The following GALNS variants were observed in gnomAD, a reference collection of about 807,000 sequenced individuals.
The protein encoded by GALNS is N-acetylgalactosamine-6-sulfatase.
Under a neutral mutation model 65.9 loss-of-function variants are expected in GALNS, and 65 were observed. That is an observed-to-expected ratio of 0.99 (90% confidence interval 0.81 to 1.21). GALNS has a LOEUF of 1.21. Among genes scored for constraint, GALNS ranks in the 50% most tolerant of loss-of-function variants. The pLI is 0.00. For missense variants in GALNS, 776 were observed against 700.7 expected (o/e 1.11, Z -1.21); for synonymous variants, 346 against 288.9 (o/e 1.20, Z -2.00).
intron 9 of GALNS, among the ~76,000 whole-genome samples, chr16:88,828,906 C>A (rs911260078): frequency 1.2e-4 from 19 of 152,142 alleles, no homozygotes; most frequent in African/African-American, 4.6e-4. Context: ...GGTGGGCACC[C>A]ACTGCAGTGG....
Position 88,856,781 on chromosome 16 carries a change from T to C in GALNS, c.97A>G (p.Ile33Val), listed in dbSNP as rs768296954. 26 of 1,541,112 alleles carry C rather than the reference T, an allele frequency of 1.7e-5. No individual in the cohort carries two copies. The highest frequency in any genetic ancestry group is 2.0e-5 in the Non-Finnish European group (23 of 1,153,890). ...ACGTCGTCCATGAGCAGGAGCAGGA[T>C]GTTGGGGGGCTGCGGGGCGCCCGAG... Reference protein sequence around the residue: ...GASGAPQPPNILLLLMDDMGW... With the variant: ...GASGAPQPPNVLLLLMDDMGW... Residue 33 changes from isoleucine to valine, a missense_variant, in exon 1 of 14, where the codon ATC (isoleucine) becomes GTC (valine). Physicochemically the swap from Ile to Val is conservative, Grantham distance 29. Coordinates refer to ENST00000268695, the MANE Select transcript of GALNS (RefSeq NM_000512.5).
Position 88,836,240 on chromosome 16 carries a change from C to T in GALNS, c.594G>A (p.Leu198=), listed in dbSNP as rs776819767. Residue 198 remains leucine (L), a synonymous_variant, in exon 6 of 14, where the codon CTG becomes CTA. Transcript: ENST00000268695. The stretch of plus-strand genomic sequence containing the variant: ...GGGTGAGGTTGGCTTCCCCCGTCTT[C>T]AGATTAATAGGAAATTCTTCATAAT... ...GRYYEEFPIN[L]KTGEANLTQI... is the part of the protein sequence containing the mutation. 3 of 1,613,348 alleles carry T rather than the reference C, an allele frequency of 1.9e-6. No homozygotes were observed. The highest frequency in any genetic ancestry group is 1.7e-5 in the Admixed American group (1 of 60,004).
intron 1 of GALNS, among the ~76,000 whole-genome samples, chr16:88,845,825 C>CT (rs1967217427): frequency 6.8e-6 from 1 of 147,398 alleles, no homozygotes; most frequent in Non-Finnish European, 1.5e-5. Flanking sequence ...GACTCCAACT[C>CT]TAAAAAAAAA....
chr16:88,820,975 G>A (rs1036372456), intron 12 of GALNS, among the ~76,000 whole-genome samples: 2 of 152,102 alleles, frequency 1.3e-5, no homozygotes, highest in East Asian at 1.9e-4. Flanking sequence ...TGACTTCTGC[G>A]GGCACAGGGG....
chr16:88,856,833 C>G lies in GALNS; in HGVS notation c.45G>C (p.Leu15=), dbSNP rs761858336. Residue 15 remains leucine, a synonymous_variant, in exon 1 of 14, where the codon CTG becomes CTC. Coordinates refer to ENST00000268695, the MANE Select transcript of GALNS (RefSeq NM_000512.5). Reference sequence around the variant, plus strand: ...CCCCCATCCCCGCGGCGCTGAGCACCAGCAACAGCTGCCACCACCTCGTCG... The same window carrying G: ...CCCCCATCCCCGCGGCGCTGAGCACGAGCAACAGCTGCCACCACCTCGTCG... ...VAATRWWQLL[L]VLSAAGMGAS... The G allele has an allele frequency of 2.6e-6, 4 of 1,523,350 alleles. No homozygotes were observed. Among genetic ancestry groups the G allele is most frequent in the Non-Finnish European group, 3.5e-6 (4 of 1,144,854 alleles). The allele number at this position is 1,523,350 out of a possible 1,614,324, so 94.4% of individuals were successfully genotyped here. A position where few individuals can be genotyped will look rare whatever the true frequency, so the allele number is the denominator to read the frequency against.
At chr16:88,826,679 G>C in intron 10 of GALNS, 23 bp downstream of exon 10, 1 of 1,607,550 alleles carries the variant, frequency 6.2e-7, no homozygotes, top group Non-Finnish European at 8.5e-7. Context: ...GGGGGAAGGG[G>C]CCGGGGCAGG....
At chr16:88,825,056 GGGGCTGGAGCTCCTGGGTGGCCA>G (rs796942675) in intron 10 of GALNS, among the ~76,000 whole-genome samples, 187 bp from the exon 11 acceptor site, 5 of 145,196 alleles carry the variant, frequency 3.4e-5, no homozygotes, top group East Asian at 2.0e-4. Context: ...CTGGGCGGCC[GGGGCTGGAGCTCCTGGGTGGCCA>G]GGGCTGGGGT....
intron 1 of GALNS, among the ~76,000 whole-genome samples, chr16:88,851,688 C>T (rs71395333): frequency 0.085 from 13,015 of 152,256 alleles, 622 homozygotes; most frequent in South Asian, 0.11. Context: ...TCTTAGCTAA[C>T]GACACACCAG....
At chr16:88,823,362 T>G (rs1032130307) in intron 11 of GALNS, among the ~76,000 whole-genome samples, 1 of 152,242 alleles carries the variant, frequency 6.6e-6, no homozygotes, top group African/African-American at 2.4e-5. Context: ...ACCACAATTC[T>G]CTTTCTGCTG....
chr16:88,843,639 C>G, intron 1 of GALNS: 2 of 177,278 alleles, frequency 1.1e-5, no homozygotes, highest in African/African-American at 2.3e-5. Flanking sequence ...AGTGACGCAG[C>G]CACCAGCCAG....
chr16:88,853,707 G>C (rs911716046), intron 1 of GALNS, among the ~76,000 whole-genome samples: 1 of 152,214 alleles, frequency 6.6e-6, no homozygotes, highest in Non-Finnish European at 1.5e-5. Context: ...AGTGGGCCAC[G>C]CAGGTTTCCT....
At chr16:88,842,266 C>A in intron 2 of GALNS, 1 of 554,464 alleles carries the variant, frequency 1.8e-6, no homozygotes, top group South Asian at 2.0e-5. Flanking sequence ...GGTCCACACG[C>A]CCCCATCCTC....
At chr16:88,823,327 C>G (rs1910447159) in intron 11 of GALNS, among the ~76,000 whole-genome samples, 1 of 152,116 alleles carries the variant, frequency 6.6e-6, no homozygotes, top group South Asian at 2.1e-4. Flanking sequence ...TTCACACACT[C>G]AAGAAGGGCA....
At chr16:88,828,890 C>T (rs866187516) in intron 9 of GALNS, among the ~76,000 whole-genome samples, 1 of 152,186 alleles carries the variant, frequency 6.6e-6, no homozygotes, top group Non-Finnish European at 1.5e-5. Flanking sequence ...AGCCCTGTCC[C>T]GGCCTGGTGG....
chr16:88,839,907 G>A (rs1209364764), intron 4 of GALNS, among the ~76,000 whole-genome samples: 1 of 152,244 alleles, frequency 6.6e-6, no homozygotes, highest in Non-Finnish European at 1.5e-5. Context: ...GGAGAGCTCT[G>A]GGTCACTGTG....
rs149536580 is a variant in GALNS, at chr16:88,832,440, G to A, written c.899-339C>T. 1.7e-3 allele frequency among the ~76,000 whole-genome samples: 264 copies of A among 152,328 alleles called. 1 individual carries two copies. The highest frequency in any genetic ancestry group is 5.7e-3 in the African/African-American group (235 of 41,574). On this transcript the variant is annotated intron_variant, in intron 8 of 13. Transcript: ENST00000268695. Reference sequence around the variant, plus strand: ...CGACTGGTGCTTCCCGAACGTGAATGTTCACAAGCCTCCCGGTGTTTGGGG... The same window carrying A: ...CGACTGGTGCTTCCCGAACGTGAATATTCACAAGCCTCCCGGTGTTTGGGG...
At position 88,826,910 on chromosome 16, in the gene GALNS, G is replaced by T. The variant is rs926974244; in HGVS notation, c.1003-72C>A. On this transcript the variant is annotated intron_variant, in intron 9 of 13. Transcript: ENST00000268695. ...GATGGGGCTGGGGGCCAATCCCTGGGGGGGCGTGAGCCCCGCTGCCCAGCT... is the reference window on the plus strand; with the variant it reads ...GATGGGGCTGGGGGCCAATCCCTGGTGGGGCGTGAGCCCCGCTGCCCAGCT... 3.1e-5 allele frequency: 48 copies of T among 1,531,628 alleles called. No homozygotes were observed. In the East Asian group the frequency reaches 9.8e-4, roughly 31 times the overall value. 94.9% of individuals were successfully genotyped at this position (1,531,628 alleles called of 1,614,324 possible). A position where few individuals can be genotyped will look rare whatever the true frequency, so the allele number is the denominator to read the frequency against.
rs1966943977 is a variant in GALNS, at chr16:88,841,042, C to T, written c.372G>A (p.Leu124=). 1.2e-6 allele frequency: 2 copies of T among 1,613,178 alleles called. No homozygotes were observed. Among genetic ancestry groups the T allele is most frequent in the Non-Finnish European group, 8.5e-7 (1 of 1,180,032 alleles). The change falls in exon 4 of 14, where the codon CTG becomes CTA. Residue 124 remains leucine (L), a synonymous_variant. Coordinates refer to ENST00000268695, the MANE Select transcript of GALNS (RefSeq NM_000512.5). ...AGCCGGCCTTCTTCAGAAGCTCCGG[C>T]AGGAGCTGCTCCGAGTCTGGGATGC... is the stretch of plus-strand genomic sequence containing the variant. ...VGGIPDSEQL[L]PELLKKAGYV... is the part of the protein sequence containing the mutation.
chr16:88,855,158 A>G, intron 1 of GALNS: 2 of 632,274 alleles, frequency 3.2e-6, no homozygotes, highest in Non-Finnish European at 5.8e-6. Context: ...TATTTAACCC[A>G]ACATAACCAA....
Sources: allele counts gnomAD v4.1 joint callset (sites outside exome capture counted in the v4.1 genomes callset), GRCh38; gene constraint gnomAD v4.1.1; transcripts MANE v1.5; gene names NCBI Gene and HGNC (gene_info 2026-07-23, HGNC 2026-07-21).